The following FRY variants were observed in gnomAD, a reference collection of about 807,000 sequenced individuals.
FRY encodes FRY microtubule binding protein.
In FRY, 128 loss-of-function variants were observed where a neutral mutation model predicts 348.4. The ratio of observed to expected loss-of-function variants is 0.37; its 90% CI spans 0.32 to 0.43. The LOEUF (loss-of-function observed/expected upper bound fraction) is 0.43, where lower values mean the gene tolerates loss of function less well. Among genes scored for constraint, FRY ranks in the 20% least tolerant of loss-of-function variants. The probability of loss-of-function intolerance (pLI) is 1.00; values close to 1 mark genes in which losing one functional copy is unlikely to be tolerated. For missense variants in FRY, 2,736 were observed against 3,695.2 expected (o/e 0.74, Z 6.73); for synonymous variants, 1,370 against 1,374.7 (o/e 1.00, Z 0.08).
intron 15 of FRY, 138 bp downstream of exon 15, chr13:32,155,800 G>A (rs760316509): frequency 4.5e-5 from 28 of 620,678 alleles, no homozygotes; most frequent in Non-Finnish European, 6.6e-5. Flanking sequence ...TAATTGTTTT[G>A]ATTGATTCAT....
chr13:32,266,606 C>A (rs1887937686), intron 54 of FRY, among the ~76,000 whole-genome samples: 1 of 152,146 alleles, frequency 6.6e-6, no homozygotes, highest in African/African-American at 2.4e-5. Flanking sequence ...AAAGAAGTAC[C>A]AAGTCTATAG....
intron 36 of FRY, among the ~76,000 whole-genome samples, 167 bp from the exon 37 acceptor site, chr13:32,224,067 TC>T (rs1307803289): frequency 6.6e-6 from 1 of 151,528 alleles, no homozygotes; most frequent in African/African-American, 2.4e-5. Flanking sequence ...TCCAATGCAC[TC>T]CAGCCTGGGT....
At chr13:32,211,424 A>T (rs1884678376) in intron 34 of FRY, among the ~76,000 whole-genome samples, 1 of 152,158 alleles carries the variant, frequency 6.6e-6, no homozygotes, top group East Asian at 1.9e-4. Context: ...GCACCACTAT[A>T]CTCCAGCTTG....
Position 32,117,444 on chromosome 13 carries a change from C to T in FRY, c.435C>T (p.Tyr145=), listed in dbSNP as rs1442098061. The T allele has an allele frequency of 6.2e-7, 1 of 1,613,486 alleles. No homozygotes were observed. The highest frequency in any genetic ancestry group is 1.3e-5 in the African/African-American group (1 of 74,888). ...GCATTGAGGATGAATCACATGAATA[C>T]AGACCAAGAACAAGCAATAAATCAA... ...QNGIEDESHE[Y]RPRTSNKSKS... The change falls in exon 4 of 61, where the codon TAC becomes TAT. Residue 145 remains tyrosine, a synonymous_variant. Transcript: ENST00000542859.
intron 4 of FRY, among the ~76,000 whole-genome samples, chr13:32,119,070 A>G (rs894040529): frequency 3.9e-5 from 6 of 152,334 alleles, no homozygotes; most frequent in South Asian, 2.1e-4. Flanking sequence ...GATTATTTTC[A>G]GGAGATCAGA....
chr13:32,262,858 A>G (rs1454107196), intron 53 of FRY, among the ~76,000 whole-genome samples: 1 of 145,908 alleles, frequency 6.9e-6, no homozygotes, highest in Admixed American at 6.9e-5. Context: ...GTGTATGCAC[A>G]TATTTGGGGA....
At chr13:32,186,154 AG>A in intron 26 of FRY, 105 bp from the exon 27 acceptor site, 1 of 872,730 alleles carries the variant, frequency 1.1e-6, no homozygotes, top group Non-Finnish European at 1.9e-6. Flanking sequence ...AGAAAACTGT[AG>A]TTAAAAAATG....
intron 7 of FRY, among the ~76,000 whole-genome samples, chr13:32,128,412 C>A (rs1275427450): frequency 1.3e-5 from 2 of 152,230 alleles, no homozygotes; most frequent in African/African-American, 4.8e-5. Flanking sequence ...CAGTGTCCAG[C>A]AGGTGCTAAC....
At chr13:32,089,048 C>T (rs1209866769) in intron 2 of FRY, among the ~76,000 whole-genome samples, 1 of 152,146 alleles carries the variant, frequency 6.6e-6, no homozygotes, top group African/African-American at 2.4e-5. Flanking sequence ...AACAATGGCT[C>T]ATTCCTTAAG....
At position 32,261,720 on chromosome 13, in the gene FRY, C is replaced by T. The variant is rs770837072; in HGVS notation, c.7521C>T (p.Ser2507=). ...QILEERQLSG[S]TPSLNKMHHE... is the part of the protein sequence containing the mutation. ...TGGAGGAGCGCCAACTGTCAGGAAG[C>T]ACTCCTAGCCTGAATAAAATGCACC... Residue 2507 remains serine (S), a synonymous_variant, in exon 52 of 61, where the codon AGC becomes AGT. Transcript: ENST00000542859. 5.0e-6 allele frequency: 8 copies of T among 1,614,110 alleles called. No individual in the cohort carries two copies. Among genetic ancestry groups the T allele is most frequent in the Non-Finnish European group, 5.9e-6 (7 of 1,179,966 alleles).
intron 4 of FRY, among the ~76,000 whole-genome samples, chr13:32,119,484 A>C (rs373941415): frequency 1.2e-4 from 17 of 141,984 alleles, no homozygotes; most frequent in African/African-American, 4.3e-4. Context: ...TTGGCTTATT[A>C]AATAAAATAG....
chr13:32,211,115 T>C (rs985245346), intron 34 of FRY, 81 bp downstream of exon 34: 2 of 1,311,942 alleles, frequency 1.5e-6, no homozygotes, highest in African/African-American at 2.9e-5. Flanking sequence ...GATATGAGAA[T>C]GTGTTTGTTA....
intron 41 of FRY, 31 bp from the exon 42 acceptor site, chr13:32,234,543 C>T (rs1433096825): frequency 2.5e-6 from 4 of 1,599,018 alleles, no homozygotes; most frequent in Non-Finnish European, 3.4e-6. Context: ...AGAGTAGAGA[C>T]TGACCTATTC....
intron 54 of FRY, among the ~76,000 whole-genome samples, chr13:32,266,840 T>G (rs939281411): frequency 4.6e-5 from 7 of 152,166 alleles, no homozygotes; most frequent in Non-Finnish European, 8.8e-5. Context: ...AAATATTTGC[T>G]GGGCATGGTA....
chr13:32,119,130 T>G (rs553740671), intron 4 of FRY, among the ~76,000 whole-genome samples: 108 of 152,364 alleles, frequency 7.1e-4, no homozygotes, highest in African/African-American at 2.4e-3. Flanking sequence ...TTTGACTTAG[T>G]AGCATTTTAG....
intron 2 of FRY, among the ~76,000 whole-genome samples, chr13:32,094,252 A>G (rs9594921): frequency 0.01 from 1,555 of 152,078 alleles, 25 homozygotes; most frequent in African/African-American, 0.036. Flanking sequence ...GTAGGTGTAT[A>G]TATTTATAGG....
chr13:32,223,849 C>T (rs1885443022), intron 36 of FRY, among the ~76,000 whole-genome samples: 1 of 152,172 alleles, frequency 6.6e-6, no homozygotes, highest in Non-Finnish European at 1.5e-5. Flanking sequence ...CTGCCTCATC[C>T]TCCCAAGTAG....
intron 8 of FRY, among the ~76,000 whole-genome samples, chr13:32,132,239 A>G (rs1379380711): frequency 6.6e-6 from 1 of 150,928 alleles, no homozygotes; most frequent in Non-Finnish European, 1.5e-5. Context: ...ATAAAAAGGA[A>G]TCTTAATTTT....
At chr13:32,085,529 A>G (rs1875800096) in intron 2 of FRY, among the ~76,000 whole-genome samples, 1 of 152,056 alleles carries the variant, frequency 6.6e-6, no homozygotes, top group Non-Finnish European at 1.5e-5. Context: ...CAGCCAGTCA[A>G]CCTCCTTTTT....
Sources: gnomAD v4.1 joint callset for allele counts (sites outside exome capture counted in the v4.1 genomes callset) on GRCh38, gnomAD v4.1.1 for gene constraint, MANE v1.5 for transcripts, NCBI Gene and HGNC (gene_info 2026-07-23, HGNC 2026-07-21) for gene names.